Variants in SNX18 observed in about 807,000 individuals in gnomAD.
SNX18 encodes the protein sorting nexin-18.
In SNX18, 35 loss-of-function variants were observed where a neutral mutation model predicts 48.7. The observed-to-expected ratio is 0.72, with a 90% CI of 0.55 to 0.95. SNX18 has a LOEUF of 0.95. SNX18 is among the 40% of genes least tolerant of loss of function. The pLI is 0.00. For missense variants in SNX18, 824 were observed against 871.0 expected (o/e 0.95, Z 0.68); for synonymous variants, 492 against 384.7 (o/e 1.28, Z -3.26).
the SNX18 span, among the ~76,000 whole-genome samples, chr5:54,585,792 A>G: frequency 6.6e-6 from 1 of 152,060 alleles, no homozygotes; most frequent in Non-Finnish European, 1.5e-5. Context: ...TCACGAGGTC[A>G]GGAGATCGAG....
the SNX18 span, among the ~76,000 whole-genome samples, chr5:54,620,557 C>T: frequency 4.0e-3 from 614 of 152,318 alleles, 3 homozygotes; most frequent in African/African-American, 0.014. Context: ...AGGCAGACAG[C>T]AGATCTGTAG....
the SNX18 span, among the ~76,000 whole-genome samples, chr5:54,630,356 T>TGCAGGCAGGGGAGGCAA: frequency 1.3e-5 from 2 of 152,136 alleles, no homozygotes; most frequent in South Asian, 2.1e-4. Context: ...TGTGCAGAGA[T>TGCAGGCAGGGGAGGCAA]GCAGGCAGGG....
At position 54,519,326 on chromosome 5, in the gene SNX18, C is replaced by G; in HGVS notation, c.1374C>G (p.Thr458=). 1 of 1,613,594 alleles carries G rather than the reference C, an allele frequency of 6.2e-7. No individual in the cohort carries two copies. The highest frequency in any genetic ancestry group is 1.1e-5 in the South Asian group (1 of 91,062). The change falls in exon 1 of 2, where the codon ACC becomes ACG. Residue 458 remains threonine (T), a synonymous_variant. Coordinates refer to ENST00000381410, the MANE Select transcript of SNX18 (RefSeq NM_001102575.2). ...ACGAGTTCGCGCGCAAGCAGGTGACCGGCTTCAAAAAGGAGTATCAGAAGG... is the reference window on the plus strand; with the variant it reads ...ACGAGTTCGCGCGCAAGCAGGTGACGGGCTTCAAAAAGGAGTATCAGAAGG... ...TANEFARKQV[T]GFKKEYQKVG...
At chr5:54,583,163 T>C in the SNX18 span, among the ~76,000 whole-genome samples, 1 of 152,150 alleles carries the variant, frequency 6.6e-6, no homozygotes, top group Non-Finnish European at 1.5e-5. Context: ...TTGTTTAAGA[T>C]TGGGTCTTAA....
the SNX18 span, among the ~76,000 whole-genome samples, chr5:54,607,471 T>C: frequency 1.3e-5 from 2 of 152,354 alleles, no homozygotes; most frequent in African/African-American, 4.8e-5. Context: ...ATAGTTTAGG[T>C]GGGAATTTAT....
chr5:54,625,003 A>G, the SNX18 span, among the ~76,000 whole-genome samples: 1 of 152,208 alleles, frequency 6.6e-6, no homozygotes, highest in Non-Finnish European at 1.5e-5. Flanking sequence ...CATGGCTAGG[A>G]TGTCAGAAGA....
chr5:54,607,932 AAAAC>A, the SNX18 span, among the ~76,000 whole-genome samples: 179 of 152,064 alleles, frequency 1.2e-3, 1 homozygote, highest in Non-Finnish European at 2.2e-3. Context: ...AGACTGTCTC[AAAAC>A]AAACAAACAA....
downstream of SNX18, among the ~76,000 whole-genome samples, chr5:54,549,289 A>G (rs886976065): frequency 6.6e-6 from 1 of 152,168 alleles, no homozygotes; most frequent in South Asian, 2.1e-4. Flanking sequence ...ACATTGTGTC[A>G]CCTGTACTAT....
At chr5:54,524,143 T>C (rs1762083478) in intron 1 of SNX18, among the ~76,000 whole-genome samples, 1 of 152,180 alleles carries the variant, frequency 6.6e-6, no homozygotes, top group Admixed American at 6.5e-5. Context: ...GGGCTTACCC[T>C]TTGCCCCAGT....
chr5:54,602,440 G>A, the SNX18 span, among the ~76,000 whole-genome samples: 1 of 152,162 alleles, frequency 6.6e-6, no homozygotes, highest in Non-Finnish European at 1.5e-5. Flanking sequence ...AAACACTGCT[G>A]GCTGAAATAA....
the SNX18 span, among the ~76,000 whole-genome samples, chr5:54,639,481 A>T: frequency 7.2e-5 from 11 of 152,344 alleles, no homozygotes; most frequent in Non-Finnish European, 1.3e-4. Flanking sequence ...TCTTGCCAAA[A>T]TAATATTATC....
the SNX18 span, among the ~76,000 whole-genome samples, chr5:54,621,406 T>C: frequency 6.6e-6 from 1 of 152,226 alleles, no homozygotes; most frequent in Non-Finnish European, 1.5e-5. Flanking sequence ...AAAGGGCACT[T>C]ATTTGTGAGA....
chr5:54,609,245 T>G, the SNX18 span, among the ~76,000 whole-genome samples: 1 of 152,186 alleles, frequency 6.6e-6, no homozygotes, highest in Non-Finnish European at 1.5e-5. Context: ...TATATTTAAT[T>G]TTAATTAATT....
chr5:54,607,530 C>T, the SNX18 span, among the ~76,000 whole-genome samples: 1 of 152,232 alleles, frequency 6.6e-6, no homozygotes, highest in African/African-American at 2.4e-5. Context: ...GATATTTATC[C>T]AATTTGTTGC....
At chr5:54,542,895 A>G (rs994181949) in intron 1 of SNX18, among the ~76,000 whole-genome samples, 2 of 152,168 alleles carry the variant, frequency 1.3e-5, no homozygotes, top group Admixed American at 6.6e-5. Flanking sequence ...TCAGTTATGT[A>G]TAGCATCTCT....
the SNX18 span, among the ~76,000 whole-genome samples, chr5:54,593,059 C>A: frequency 2.0e-5 from 3 of 152,180 alleles, no homozygotes; most frequent in Admixed American, 6.5e-5. Context: ...CCTCAGCCTC[C>A]CAAAGTACTG....
the SNX18 span, among the ~76,000 whole-genome samples, chr5:54,588,306 C>CTTTATTTTTTTTTTTTTTTTTTT: frequency 4.1e-5 from 3 of 73,910 alleles, no homozygotes; most frequent in Non-Finnish European, 5.0e-5. Flanking sequence ...TATTTCTATT[C>CTTTATTTTTTTTTTTTTTTTTTT]TTTTTTTTTT....
intron 1 of SNX18, among the ~76,000 whole-genome samples, chr5:54,524,201 A>G (rs1561114776): frequency 6.6e-6 from 1 of 152,206 alleles, no homozygotes; most frequent in East Asian, 1.9e-4. Context: ...CTTTCGAAAT[A>G]CACGACTCAG....
At chr5:54,647,659 G>A in the SNX18 span, among the ~76,000 whole-genome samples, 1 of 152,148 alleles carries the variant, frequency 6.6e-6, no homozygotes, top group Non-Finnish European at 1.5e-5. Flanking sequence ...GGCTGTGGGG[G>A]CAATATTGAG....
Sources: gnomAD v4.1 joint callset for allele counts (sites outside exome capture counted in the v4.1 genomes callset) on GRCh38, gnomAD v4.1.1 for gene constraint, MANE v1.5 for transcripts, NCBI Gene and HGNC (gene_info 2026-07-23, HGNC 2026-07-21) for gene names.